The following VAV3 variants were observed in gnomAD, a reference collection of about 807,000 sequenced individuals.
VAV3 encodes the protein vav guanine nucleotide exchange factor 3.
In VAV3, 94 loss-of-function variants were observed where a neutral mutation model predicts 131.2. The observed-to-expected ratio is 0.72, with a 90% CI of 0.61 to 0.85. The LOEUF (loss-of-function observed/expected upper bound fraction) is 0.85, where lower values mean the gene tolerates loss of function less well. Ranked by LOEUF, VAV3 falls within the 40% of genes least tolerant of loss-of-function variation. The pLI, the probability that VAV3 is intolerant of heterozygous loss-of-function variation, is 0.00. For synonymous variants in VAV3, 349 were observed against 342.0 expected, an observed-to-expected ratio of 1.02 and a Z score of -0.22; for missense variants, 939 against 1,002.7, an observed-to-expected ratio of 0.94 and a Z score of 0.86.
intron 15 of VAV3, among the ~76,000 whole-genome samples, chr1:107,720,060 G>T (rs190638665): frequency 3.3e-5 from 5 of 152,210 alleles, no homozygotes; most frequent in African/African-American, 1.2e-4. Context: ...GCCCTGTCGT[G>T]GGGTCGGGGG....
chr1:107,800,639 G>A (rs1249443984), intron 2 of VAV3, among the ~76,000 whole-genome samples: 1 of 152,154 alleles, frequency 6.6e-6, no homozygotes, highest in Non-Finnish European at 1.5e-5. Context: ...CACCCAGGTA[G>A]TGAGCATAGT....
rs536438603 is a variant in VAV3, at chr1:107,950,826, AGGGAG to A, written c.204+13835_204+13839del. Reference sequence around the variant, plus strand: ...GAGATATCAGTCAACTAAAGAGCACAGGGAGGATAATGGCTTAGTAGATGTGAGGG... The same window carrying A: ...GAGATATCAGTCAACTAAAGAGCACAGATAATGGCTTAGTAGATGTGAGGG... On this transcript the variant is annotated intron_variant, in intron 1 of 26. Transcript: ENST00000370056. Among the ~76,000 whole-genome samples, 9 of 152,204 alleles carry A rather than the reference AGGGAG, an allele frequency of 5.9e-5. No individual in the cohort carries two copies. The South Asian group carries it at 1.9e-3, about 31-fold the overall frequency.
chr1:107,784,300 G>A (rs1345682962), intron 2 of VAV3, among the ~76,000 whole-genome samples: 1 of 152,064 alleles, frequency 6.6e-6, no homozygotes, highest in African/African-American at 2.4e-5. Context: ...CAATAAAGCA[G>A]AGTCATGTCA....
At chr1:107,872,831 C>T (rs2101014556) in intron 2 of VAV3, among the ~76,000 whole-genome samples, 1 of 152,208 alleles carries the variant, frequency 6.6e-6, no homozygotes, top group Admixed American at 6.5e-5. Flanking sequence ...AACCTCTTAA[C>T]GTTGTTACAA....
intron 1 of VAV3, among the ~76,000 whole-genome samples, chr1:107,905,048 T>TA (rs1336136680): frequency 6.6e-6 from 1 of 152,152 alleles, no homozygotes; most frequent in East Asian, 1.9e-4. Flanking sequence ...CTTCCTCGGA[T>TA]AATCAAGGAA....
rs373669905 is a variant in VAV3 at position 107,594,875 on chromosome 1, A to G, written c.2350+1337T>C. 3.0e-4 allele frequency among the ~76,000 whole-genome samples: 45 copies of G among 152,188 alleles called. 1 individual carries two copies. The East Asian group carries it at 6.0e-3, about 20-fold the overall frequency. On this transcript the variant is annotated intron_variant, in intron 25 of 26. Transcript: ENST00000370056. The stretch of plus-strand genomic sequence containing the variant: ...TCTCTAGAGCTAAGTGAACAACTCA[A>G]ACAGGATTTTTCATCTAACTGACCT...
chr1:107,734,843 T>G (rs1662491177), intron 15 of VAV3, among the ~76,000 whole-genome samples: 1 of 152,118 alleles, frequency 6.6e-6, no homozygotes, highest in Non-Finnish European at 1.5e-5. Context: ...AACTCAGCAA[T>G]GCACCAAGCA....
chr1:107,926,046 G>A (rs143972518), intron 1 of VAV3, among the ~76,000 whole-genome samples: 5,046 of 152,058 alleles, frequency 0.033, 117 homozygotes, highest in South Asian at 0.13. Flanking sequence ...TTGGGAAGCC[G>A]AGGCGGGCAG....
intron 2 of VAV3, among the ~76,000 whole-genome samples, chr1:107,829,835 ATATCATTTAAT>A (rs1375141943): frequency 6.7e-6 from 1 of 150,060 alleles, no homozygotes; most frequent in Non-Finnish European, 1.5e-5. Context: ...GATTTGCTCC[ATATCATTTAAT>A]CAGAACAAAC....
chr1:107,587,819 T>TA (rs1203210683), intron 25 of VAV3, among the ~76,000 whole-genome samples: 3 of 152,164 alleles, frequency 2.0e-5, no homozygotes, highest in African/African-American at 7.2e-5. Context: ...TTCAAACTCC[T>TA]AACCTCAAAT....
chr1:107,689,942 T>C (rs1338809793), intron 17 of VAV3, among the ~76,000 whole-genome samples: 2 of 152,154 alleles, frequency 1.3e-5, no homozygotes, highest in Non-Finnish European at 2.9e-5. Context: ...TACACCAGAA[T>C]ATCCCTATTC....
intron 7 of VAV3, among the ~76,000 whole-genome samples, chr1:107,766,845 G>A (rs1335772077): frequency 6.6e-6 from 1 of 151,750 alleles, no homozygotes; most frequent in Non-Finnish European, 1.5e-5. Flanking sequence ...GGGAGGAGAA[G>A]AGAAGGAGAC....
chr1:107,616,593 G>T (rs1406470331), intron 21 of VAV3, among the ~76,000 whole-genome samples: 1 of 152,058 alleles, frequency 6.6e-6, no homozygotes, highest in Non-Finnish European at 1.5e-5. Flanking sequence ...TAAAATAAAA[G>T]TTAAACAAAT....
At chr1:107,746,906 G>A (rs921811001) in intron 15 of VAV3, among the ~76,000 whole-genome samples, 6 of 149,622 alleles carry the variant, frequency 4.0e-5, no homozygotes, top group Non-Finnish European at 8.9e-5. Flanking sequence ...TCAAGACGGA[G>A]TCTCAGTCTA....
intron 2 of VAV3, among the ~76,000 whole-genome samples, chr1:107,830,666 C>A (rs969598367): frequency 1.1e-4 from 16 of 151,976 alleles, no homozygotes; most frequent in African/African-American, 3.9e-4. Flanking sequence ...TCCAACATAT[C>A]TTTGCTCATT....
At chr1:107,763,267 G>T (rs1244146248) in intron 9 of VAV3, among the ~76,000 whole-genome samples, 2 of 152,116 alleles carry the variant, frequency 1.3e-5, no homozygotes, top group African/African-American at 2.4e-5. Context: ...TTCAAACTCA[G>T]CCTGATGTCC....
chr1:107,745,792 CAAGCA>C (rs1663305706), intron 15 of VAV3, among the ~76,000 whole-genome samples: 1 of 152,202 alleles, frequency 6.6e-6, no homozygotes, highest in Non-Finnish European at 1.5e-5. Flanking sequence ...ATAGAAATGG[CAAGCA>C]TTTCAACACT....
chr1:107,929,796 C>G (rs975041863), intron 1 of VAV3, among the ~76,000 whole-genome samples: 4 of 152,092 alleles, frequency 2.6e-5, no homozygotes, highest in Admixed American at 6.6e-5. Flanking sequence ...ACGTGCCCAT[C>G]AATAGATGAA....
intron 20 of VAV3, among the ~76,000 whole-genome samples, chr1:107,638,003 C>A (rs76118396): frequency 6.6e-6 from 1 of 152,070 alleles, no homozygotes; most frequent in African/African-American, 2.4e-5. Context: ...TGAGAAAAAT[C>A]TGACATCTAT....
Sources: gnomAD v4.1 joint callset for allele counts (sites outside exome capture counted in the v4.1 genomes callset) on GRCh38, gnomAD v4.1.1 for gene constraint, MANE v1.5 for transcripts, NCBI Gene and HGNC (gene_info 2026-07-23, HGNC 2026-07-21) for gene names.